The following POU1F1 variants were observed in gnomAD, a reference collection of about 807,000 sequenced individuals.
The protein encoded by POU1F1 is POU class 1 homeobox 1, also known as pituitary-specific positive transcription factor 1.
Under a neutral mutation model 32.3 loss-of-function variants are expected in POU1F1, and 23 were observed. The ratio of observed to expected loss-of-function variants is 0.71; its 90% CI spans 0.51 to 1.01. The LOEUF (loss-of-function observed/expected upper bound fraction) is 1.01, where lower values mean the gene tolerates loss of function less well. Ranked by LOEUF, POU1F1 falls within the 50% of genes least tolerant of loss-of-function variation. POU1F1 has a pLI of 0.00. For missense variants in POU1F1, 323 were observed against 341.6 expected (o/e 0.95, Z 0.43); for synonymous variants, 120 against 115.6 (o/e 1.04, Z -0.25).
intron 2 of POU1F1, among the ~76,000 whole-genome samples, chr3:87,272,563 A>C (rs1368152761): frequency 6.6e-6 from 1 of 152,166 alleles, no homozygotes; most frequent in East Asian, 1.9e-4. Context: ...TGATGAATAG[A>C]TCTCATAAGC....
At chr3:87,275,642 A>T (rs1035749791) in intron 1 of POU1F1, among the ~76,000 whole-genome samples, 1 of 152,108 alleles carries the variant, frequency 6.6e-6, no homozygotes, top group Non-Finnish European at 1.5e-5. Context: ...TGAGCCTGTG[A>T]ATTCTTAGGT....
intron 3 of POU1F1, 69 bp downstream of exon 3, chr3:87,264,219 A>G: frequency 1.6e-6 from 2 of 1,228,926 alleles, no homozygotes; most frequent in South Asian, 1.2e-5. Context: ...AGCAATATAT[A>G]AGAGATTTAA....
At chr3:87,260,676 C>G (rs1483512193) in intron 5 of POU1F1, among the ~76,000 whole-genome samples, 1 of 152,032 alleles carries the variant, frequency 6.6e-6, no homozygotes, top group African/African-American at 2.4e-5. Flanking sequence ...ACTACATTGT[C>G]AGAGCAATAA....
In POU1F1 at chr3:87,259,712, T is replaced by C. The variant is rs1706468254; in HGVS notation, c.*182A>G. 2 of 599,276 alleles carry C rather than the reference T, an allele frequency of 3.3e-6. No individual in the cohort carries two copies. Among genetic ancestry groups the C allele is most frequent in the African/African-American group, 3.7e-5 (2 of 53,726 alleles). The allele number at this position is 599,276 out of a possible 1,614,324, so 37.1% of individuals were successfully genotyped here. On this transcript the variant is annotated 3_prime_UTR_variant, in exon 6 of 6. Coordinates refer to ENST00000350375, the MANE Select transcript of POU1F1 (RefSeq NM_000306.4). ...GGCTTCTGAGAATAATTATTTTAAG[T>C]AAATAACATCAATATAATTTAAATT...
intron 2 of POU1F1, among the ~76,000 whole-genome samples, chr3:87,267,380 A>G (rs1276854674): frequency 2.0e-5 from 3 of 152,212 alleles, no homozygotes; most frequent in Admixed American, 1.3e-4. Flanking sequence ...AACCAGAACT[A>G]AAGTCTAATA....
At chr3:87,268,889 G>T (rs1412627199) in intron 2 of POU1F1, among the ~76,000 whole-genome samples, 1 of 152,140 alleles carries the variant, frequency 6.6e-6, no homozygotes, top group African/African-American at 2.4e-5. Context: ...TTTTAAAGCA[G>T]GCAATGGGGG....
Position 87,271,269 on chromosome 3 carries a change from T to C in POU1F1, c.214+2078A>G, listed in dbSNP as rs531326835. On this transcript the variant is annotated intron_variant, in intron 2 of 5. Transcript: ENST00000350375. The stretch of plus-strand genomic sequence containing the variant: ...GCTGCCAACACTCTCAATGTGAACA[T>C]TGGCATATTGGCTCCAGTCCTGGAA... Among the ~76,000 whole-genome samples, 277 of 152,238 alleles carry C rather than the reference T, an allele frequency of 1.8e-3. 1 individual carries two copies. The highest frequency in any genetic ancestry group is 3.3e-3 in the Non-Finnish European group (222 of 68,020).
At chr3:87,274,945 G>A (rs1706798811) in intron 1 of POU1F1, among the ~76,000 whole-genome samples, 1 of 151,670 alleles carries the variant, frequency 6.6e-6, no homozygotes, top group African/African-American at 2.4e-5. Flanking sequence ...ATGGCATTTT[G>A]AGTATAAAAT....
intron 2 of POU1F1, 122 bp downstream of exon 2, chr3:87,273,225 A>T: frequency 9.4e-7 from 1 of 1,068,976 alleles, no homozygotes; most frequent in East Asian, 2.6e-5. Context: ...GATTTTTAAC[A>T]GTAATTTTCA....
At chr3:87,270,214 G>A (rs1575981256) in intron 2 of POU1F1, among the ~76,000 whole-genome samples, 1 of 152,122 alleles carries the variant, frequency 6.6e-6, no homozygotes, top group South Asian at 2.1e-4. Context: ...GGGCAAAAGA[G>A]AAATCATTTT....
intron 4 of POU1F1, among the ~76,000 whole-genome samples, chr3:87,261,713 GT>G (rs2106927503): frequency 6.6e-6 from 1 of 152,106 alleles, no homozygotes; most frequent in East Asian, 1.9e-4. Context: ...GTGTGCAAAT[GT>G]TTTGTGTACA....
Position 87,262,013 on chromosome 3 carries a change from T to C in POU1F1, c.604+58A>G, listed in dbSNP as rs184695944. 49 of 1,597,060 alleles carry C rather than the reference T, an allele frequency of 3.1e-5. No homozygotes were observed. The Admixed American group carries it at 7.7e-4, about 25-fold the overall frequency. ...CTGCTTTAGCATTAATCCTACTTAT[T>C]GAAGCCATTATTTTTAGGTTAAAAC... On this transcript the variant is annotated intron_variant, in intron 4 of 5. Coordinates refer to ENST00000350375, the MANE Select transcript of POU1F1 (RefSeq NM_000306.4).
intron 2 of POU1F1, among the ~76,000 whole-genome samples, chr3:87,269,353 T>TGTC (rs1476815262): frequency 6.6e-6 from 1 of 152,160 alleles, no homozygotes; most frequent in Non-Finnish European, 1.5e-5. Context: ...AGATATTTAC[T>TGTC]GTCTGGTTCT....
intron 2 of POU1F1, among the ~76,000 whole-genome samples, chr3:87,271,618 A>G (rs1420734170): frequency 6.6e-6 from 1 of 152,170 alleles, no homozygotes; most frequent in Non-Finnish European, 1.5e-5. Context: ...AAAATGCTGT[A>G]AAGGCCACAG....
At chr3:87,268,523 C>A (rs568188077) in intron 2 of POU1F1, among the ~76,000 whole-genome samples, 2 of 152,112 alleles carry the variant, frequency 1.3e-5, no homozygotes, top group Non-Finnish European at 2.9e-5. Flanking sequence ...GCCAAACGAA[C>A]CTCTGTTTCT....
chr3:87,267,240 T>C (rs1181762474), intron 2 of POU1F1, among the ~76,000 whole-genome samples: 1 of 152,178 alleles, frequency 6.6e-6, no homozygotes, highest in African/African-American at 2.4e-5. Flanking sequence ...TGTTATCATC[T>C]TTATCCTTAT....
chr3:87,273,789 G>T (rs1382131351), intron 1 of POU1F1, among the ~76,000 whole-genome samples: 2 of 152,118 alleles, frequency 1.3e-5, no homozygotes, highest in African/African-American at 4.8e-5. Flanking sequence ...ATGCTTGTTG[G>T]TTCTGTTCAA....
At chr3:87,270,776 C>T (rs1706708033) in intron 2 of POU1F1, among the ~76,000 whole-genome samples, 1 of 151,974 alleles carries the variant, frequency 6.6e-6, no homozygotes, top group Admixed American at 6.6e-5. Flanking sequence ...CTCTTATTTA[C>T]CTTTTCTCTC....
At chr3:87,264,625 G>C (rs757881654) in intron 2 of POU1F1, 113 bp from the exon 3 acceptor site, 1 of 803,102 alleles carries the variant, frequency 1.2e-6, no homozygotes, top group Non-Finnish European at 2.1e-6. Context: ...GCCTGTCTCA[G>C]TACTTACAAG....
Sources: allele counts gnomAD v4.1 joint callset (sites outside exome capture counted in the v4.1 genomes callset), GRCh38; gene constraint gnomAD v4.1.1; transcripts MANE v1.5; gene names NCBI Gene and HGNC (gene_info 2026-07-23, HGNC 2026-07-21).